Variants in CPM observed in about 807,000 individuals in gnomAD.
The protein encoded by CPM is carboxypeptidase M, also known as renal carboxypeptidase.
CPM carries 35 observed loss-of-function variants against 46.4 expected under a neutral mutation model. The ratio of observed to expected loss-of-function variants is 0.75; its 90% CI spans 0.58 to 1.00. The LOEUF (loss-of-function observed/expected upper bound fraction) is 1.00. Among genes scored for constraint, CPM ranks in the 50% least tolerant of loss-of-function variants. The pLI is 0.00. For synonymous variants in CPM, 195 were observed against 195.3 expected (o/e 1.00, Z 0.01); for missense variants, 422 against 530.4 (o/e 0.80, Z 2.01).
At chr12:68,870,601 C>T (rs533432838) in intron 4 of CPM, among the ~76,000 whole-genome samples, 2 of 152,336 alleles carry the variant, frequency 1.3e-5, no homozygotes, top group South Asian at 2.1e-4. Context: ...TCTGCTCTCA[C>T]CAATGAGATA....
In CPM at chr12:68,852,105, A is replaced by G. The variant is rs1884719088; in HGVS notation, c.*4332T>C. The G allele has an allele frequency of 6.6e-6, 1 of 152,224 alleles. No individual in the cohort carries two copies. The highest frequency in any genetic ancestry group is 1.5e-5 in the Non-Finnish European group (1 of 68,030). The allele number at this position is 152,224 out of a possible 1,614,324, so 9.4% of individuals were successfully genotyped here. A position where few individuals can be genotyped will look rare whatever the true frequency, so the allele number is the denominator to read the frequency against. On this transcript the variant is annotated 3_prime_UTR_variant, in exon 9 of 9. Transcript: ENST00000551568. ...TTTTTAGAAACAGATCACAAATGCA[A>G]ATTTGCTTCTGGAACAAAACATAAC...
intron 1 of CPM, among the ~76,000 whole-genome samples, chr12:68,956,320 A>G (rs1889017538): frequency 6.6e-6 from 1 of 152,168 alleles, no homozygotes; most frequent in African/African-American, 2.4e-5. Flanking sequence ...CCAAGAGTGC[A>G]GGGATGCCAG....
At position 68,939,554 on chromosome 12, in the gene CPM, T is replaced by C. The variant is rs563408303; in HGVS notation, c.-3-6714A>G. Among the ~76,000 whole-genome samples, 8 of 152,092 alleles carry C rather than the reference T, an allele frequency of 5.3e-5. No homozygotes were observed. The South Asian group carries it at 1.7e-3, about 31-fold the overall frequency. ...GTGCAGGACAGAAATTATATCTCCA[T>C]TGGACAAAAATATAGCATCTCACCA... On this transcript the variant is annotated intron_variant, in intron 1 of 8. Coordinates refer to the CPM transcript ENST00000546373.
chr12:68,924,149 TAAA>T (rs77792212), intron 2 of CPM, among the ~76,000 whole-genome samples: 3 of 107,652 alleles, frequency 2.8e-5, no homozygotes, highest in Admixed American at 2.0e-4. Context: ...TGTCTCTACT[TAAA>T]AAAAAAAAAA....
intron 2 of CPM, among the ~76,000 whole-genome samples, chr12:68,888,846 G>C (rs531615996): frequency 6.6e-6 from 1 of 152,356 alleles, no homozygotes; most frequent in Admixed American, 6.5e-5. Context: ...ACTAGGTTTG[G>C]TTGGAGGATC....
chr12:68,906,101 T>C (rs1162124300), intron 2 of CPM, among the ~76,000 whole-genome samples: 1 of 152,206 alleles, frequency 6.6e-6, no homozygotes, highest in Non-Finnish European at 1.5e-5. Context: ...ACCATCCCAA[T>C]GTGTGAGCCT....
intron 2 of CPM, among the ~76,000 whole-genome samples, chr12:68,922,507 A>G (rs113716061): frequency 3.2e-3 from 494 of 152,298 alleles, no homozygotes; most frequent in Non-Finnish European, 5.8e-3. Context: ...AGTAGGCACT[A>G]TCATTACTGC....
chr12:68,935,212 CT>C (rs79513686), upstream of CPM, among the ~76,000 whole-genome samples: 8,644 of 145,156 alleles, frequency 0.06, 290 homozygotes, highest in East Asian at 0.11. Flanking sequence ...GCCTGGCCAT[CT>C]TTTTTTTTTT....
intron 2 of CPM, among the ~76,000 whole-genome samples, chr12:68,916,068 T>C (rs1211741635): frequency 6.6e-6 from 1 of 152,222 alleles, no homozygotes; most frequent in African/African-American, 2.4e-5. Context: ...CCAGGTTACG[T>C]TCCCTCTCAT....
intron 6 of CPM, among the ~76,000 whole-genome samples, chr12:68,867,693 A>G (rs568811861): frequency 9.2e-5 from 14 of 152,176 alleles, no homozygotes; most frequent in South Asian, 2.1e-4. Flanking sequence ...GGCTTCCCCA[A>G]TATGCCAGAG....
chr12:68,905,763 A>G (rs1274088525), intron 2 of CPM, among the ~76,000 whole-genome samples: 1 of 152,168 alleles, frequency 6.6e-6, no homozygotes, highest in East Asian at 1.9e-4. Context: ...GTTCTTCAGA[A>G]AAAATATTTA....
intron 3 of CPM, among the ~76,000 whole-genome samples, chr12:68,874,006 A>T (rs1270037802): frequency 6.6e-6 from 1 of 151,942 alleles, no homozygotes; most frequent in East Asian, 1.9e-4. Context: ...GGGTTTCACC[A>T]TGTTGGCCAG....
At chr12:68,859,691 T>C (rs974875164) in intron 7 of CPM, among the ~76,000 whole-genome samples, 3 of 152,150 alleles carry the variant, frequency 2.0e-5, no homozygotes, top group African/African-American at 7.2e-5. Flanking sequence ...ATCATGATTT[T>C]ACAGATGAAA....
intron 2 of CPM, among the ~76,000 whole-genome samples, chr12:68,894,014 G>C (rs1054294227): frequency 2.6e-5 from 4 of 152,096 alleles, no homozygotes; most frequent in Non-Finnish European, 5.9e-5. Context: ...GTAGGGTGTG[G>C]AGCGCTGGTT....
At chr12:68,868,337 G>C (rs1319848563) in intron 6 of CPM, among the ~76,000 whole-genome samples, 3 of 152,108 alleles carry the variant, frequency 2.0e-5, no homozygotes, top group Admixed American at 1.3e-4. Flanking sequence ...CTGACAGAGA[G>C]CCACCCAGGC....
chr12:68,933,529 C>A (rs1234535977), upstream of CPM, among the ~76,000 whole-genome samples: 1 of 152,196 alleles, frequency 6.6e-6, no homozygotes, highest in Non-Finnish European at 1.5e-5. Flanking sequence ...TCGCAGACTG[C>A]AGCCGCTTGG....
intron 1 of CPM, among the ~76,000 whole-genome samples, chr12:68,946,588 A>C (rs577737133): frequency 3.9e-5 from 6 of 152,336 alleles, no homozygotes; most frequent in African/African-American, 1.4e-4. Context: ...CAAGGTGGCC[A>C]GTTTTTCCAA....
At position 68,852,071 on chromosome 12, in the gene CPM, C is replaced by A. The variant is rs570181399; in HGVS notation, c.*4366G>T. On this transcript the variant is annotated 3_prime_UTR_variant, in exon 9 of 9. Coordinates refer to ENST00000551568, the MANE Select transcript of CPM (RefSeq NM_198320.5). ...ATTTTTACTTTCTAAACAGAGCTAA[C>A]TTGTACCATTTTTAGAAACAGATCA... 1 of 152,300 alleles carries A rather than the reference C, an allele frequency of 6.6e-6. No individual in the cohort carries two copies. The highest frequency in any genetic ancestry group is 2.1e-4 in the South Asian group (1 of 4,824). 9.4% of individuals were successfully genotyped at this position (152,300 alleles called of 1,614,324 possible). A position where few individuals can be genotyped will look rare whatever the true frequency, so the allele number is the denominator to read the frequency against.
chr12:68,879,097 AG>A (rs1338378869), intron 3 of CPM, among the ~76,000 whole-genome samples: 1 of 152,210 alleles, frequency 6.6e-6, no homozygotes, highest in African/African-American at 2.4e-5. Context: ...CTGAGGCAGG[AG>A]GATTGCTTGG....
Sources: gnomAD v4.1 joint callset for allele counts (sites outside exome capture counted in the v4.1 genomes callset) on GRCh38, gnomAD v4.1.1 for gene constraint, MANE v1.5 for transcripts, NCBI Gene and HGNC (gene_info 2026-07-23, HGNC 2026-07-21) for gene names.